Variants in PDE1C observed in about 807,000 individuals in gnomAD.
PDE1C encodes the protein dual specificity calcium/calmodulin-dependent 3',5'-cyclic nucleotide phosphodiesterase 1C.
A neutral mutation model predicts 93.1 loss-of-function variants in PDE1C; 62 were observed. The ratio of observed to expected loss-of-function variants is 0.67; its 90% CI spans 0.54 to 0.82. The LOEUF is 0.82. Among genes scored for constraint, PDE1C ranks in the 40% least tolerant of loss-of-function variants. The probability of loss-of-function intolerance (pLI) is 0.00; values close to 1 mark genes in which losing one functional copy is unlikely to be tolerated. For missense variants in PDE1C, 742 were observed against 884.6 expected (o/e 0.84, Z 2.04); for synonymous variants, 325 against 310.1 (o/e 1.05, Z -0.50).
chr7:32,114,513 C>T (rs1584789364), intron 3 of PDE1C, among the ~76,000 whole-genome samples: 3 of 152,238 alleles, frequency 2.0e-5, no homozygotes, highest in Middle Eastern at 6.8e-3. Context: ...GCCATAAAAG[C>T]CCTAGAAGAA....
chr7:31,971,351 A>AAG (rs1443031546), intron 2 of PDE1C, among the ~76,000 whole-genome samples: 10 of 152,154 alleles, frequency 6.6e-5, no homozygotes, highest in Non-Finnish European at 1.5e-5. Flanking sequence ...TGGGAACTGA[A>AAG]AGCTACAGTT....
chr7:31,871,170 C>T lies in PDE1C; in HGVS notation c.609+2122G>A, dbSNP rs1795907620. On this transcript the variant is annotated intron_variant, in intron 6 of 17. Transcript: ENST00000396191. The stretch of plus-strand genomic sequence containing the variant: ...AAATAACTCTGGGAAAATTGAATAT[C>T]CATATATAGAAGAATAAAACTAGAC... Among the ~76,000 whole-genome samples, 4 of 151,724 alleles carry T rather than the reference C, an allele frequency of 2.6e-5. No homozygotes were observed. In the South Asian group the frequency reaches 8.3e-4, roughly 32 times the overall value.
At chr7:31,715,936 T>C in the PDE1C span, among the ~76,000 whole-genome samples, 1 of 152,206 alleles carries the variant, frequency 6.6e-6, no homozygotes, top group Non-Finnish European at 1.5e-5. Context: ...TGCCTACTTG[T>C]GCATAGGTCT....
At chr7:31,754,738 G>A (rs62448789) in intron 17 of PDE1C, among the ~76,000 whole-genome samples, 52 of 152,238 alleles carry the variant, frequency 3.4e-4, no homozygotes, top group African/African-American at 1.2e-3. Context: ...CGTTTGGAAA[G>A]AGGAGGGATG....
At chr7:31,723,994 G>T in the PDE1C span, among the ~76,000 whole-genome samples, 1 of 152,060 alleles carries the variant, frequency 6.6e-6, no homozygotes, top group South Asian at 2.1e-4. Context: ...CAGGGTCAGG[G>T]TCAGGAAAAG....
chr7:31,962,871 G>A (rs148809245), intron 2 of PDE1C, among the ~76,000 whole-genome samples: 3,309 of 152,176 alleles, frequency 0.022, 40 homozygotes, highest in African/African-American at 0.026. Flanking sequence ...GGAACAATAC[G>A]AGAACCAAGA....
chr7:32,227,350 C>T (rs1236934191), intron 1 of PDE1C, among the ~76,000 whole-genome samples: 1 of 152,188 alleles, frequency 6.6e-6, no homozygotes, highest in South Asian at 2.1e-4. Context: ...TGTCCCCCGT[C>T]ATATGTTCTC....
At chr7:32,032,957 C>T (rs1035226979) in intron 2 of PDE1C, among the ~76,000 whole-genome samples, 1 of 152,112 alleles carries the variant, frequency 6.6e-6, no homozygotes, top group African/African-American at 2.4e-5. Flanking sequence ...GAGCAGAGAG[C>T]TGGAGATGGG....
chr7:32,090,041 A>G (rs1329072368), intron 3 of PDE1C, among the ~76,000 whole-genome samples: 2 of 152,214 alleles, frequency 1.3e-5, no homozygotes, highest in East Asian at 3.8e-4. Context: ...GCATCTAGCA[A>G]CAGATGCAAG....
intron 2 of PDE1C, among the ~76,000 whole-genome samples, chr7:32,208,044 C>G (rs4720057): frequency 0.92 from 140,215 of 152,302 alleles, 65,047 homozygotes; most frequent in Non-Finnish European, 0.98. Flanking sequence ...ATCTATTTTG[C>G]AAATAATGAT....
chr7:32,186,658 A>C (rs1281499235), intron 2 of PDE1C, among the ~76,000 whole-genome samples: 2 of 152,136 alleles, frequency 1.3e-5, no homozygotes, highest in Non-Finnish European at 2.9e-5. Context: ...GTAATTAATT[A>C]ATGTAATAAT....
chr7:32,025,039 G>A (rs894933513), intron 2 of PDE1C, among the ~76,000 whole-genome samples: 23 of 152,186 alleles, frequency 1.5e-4, no homozygotes, highest in African/African-American at 5.1e-4. Flanking sequence ...AGCAGGAAAT[G>A]GTCCCAGAAT....
intron 11 of PDE1C, among the ~76,000 whole-genome samples, chr7:31,832,307 A>G (rs921971837): frequency 5.9e-5 from 9 of 152,228 alleles, no homozygotes; most frequent in Non-Finnish European, 1.3e-4. Flanking sequence ...AGTTTTTCCA[A>G]CATGACATAT....
At chr7:31,964,206 G>A (rs1056754164) in intron 2 of PDE1C, among the ~76,000 whole-genome samples, 1 of 152,224 alleles carries the variant, frequency 6.6e-6, no homozygotes, top group South Asian at 2.1e-4. Context: ...CCCTTTCCTA[G>A]TCAAAGAAAG....
intron 2 of PDE1C, among the ~76,000 whole-genome samples, chr7:32,009,363 A>C (rs1786753227): frequency 6.6e-6 from 1 of 152,212 alleles, no homozygotes; most frequent in Non-Finnish European, 1.5e-5. Flanking sequence ...CAGAGAAAAA[A>C]AGAGCTACAT....
the PDE1C span, among the ~76,000 whole-genome samples, chr7:31,637,372 A>G: frequency 1.9e-4 from 29 of 152,024 alleles, no homozygotes; most frequent in African/African-American, 5.6e-4. Context: ...AAGTGTTCCT[A>G]TTTCTCCACA....
intron 1 of PDE1C, among the ~76,000 whole-genome samples, chr7:32,256,503 C>T (rs1434690935): frequency 6.6e-6 from 1 of 152,180 alleles, no homozygotes; most frequent in Non-Finnish European, 1.5e-5. Flanking sequence ...GCAGCCAGCT[C>T]CCCTGAGAGC....
chr7:31,712,467 T>C, the PDE1C span, among the ~76,000 whole-genome samples: 1 of 152,178 alleles, frequency 6.6e-6, no homozygotes, highest in Non-Finnish European at 1.5e-5. Flanking sequence ...CTAGACCCAT[T>C]GTCTCCTCTG....
At chr7:31,789,564 G>C in intron 16 of PDE1C, 1 of 742,476 alleles carries the variant, frequency 1.3e-6, no homozygotes, top group Non-Finnish European at 1.6e-6. Context: ...TGAATGCACA[G>C]AGAAAATAAA....
Sources: gnomAD v4.1 joint callset for allele counts (sites outside exome capture counted in the v4.1 genomes callset) on GRCh38, gnomAD v4.1.1 for gene constraint, MANE v1.5 for transcripts, NCBI Gene and HGNC (gene_info 2026-07-23, HGNC 2026-07-21) for gene names.